Variants in SPAG16 observed in about 807,000 individuals in gnomAD.
The protein encoded by SPAG16 is sperm-associated antigen 16 protein.
SPAG16 carries 86 observed loss-of-function variants against 80.4 expected under a neutral mutation model. That is an observed-to-expected ratio of 1.07 (90% confidence interval 0.90 to 1.28). The LOEUF (loss-of-function observed/expected upper bound fraction) is 1.28, where lower values mean the gene tolerates loss of function less well. Among genes scored for constraint, SPAG16 ranks in the 50% most tolerant of loss-of-function variants. The pLI is 0.00. For missense variants in SPAG16, 870 were observed against 765.3 expected (o/e 1.14, Z -1.61); for synonymous variants, 294 against 265.9 (o/e 1.11, Z -1.03).
At chr2:214,212,300 T>C (rs1433399126) in intron 15 of SPAG16, among the ~76,000 whole-genome samples, 1 of 152,042 alleles carries the variant, frequency 6.6e-6, no homozygotes, top group African/African-American at 2.4e-5. Context: ...CTACAAGTGA[T>C]CCCTTCACTT....
At chr2:214,022,973 A>G (rs1219307759) in intron 13 of SPAG16, among the ~76,000 whole-genome samples, 2 of 151,962 alleles carry the variant, frequency 1.3e-5, no homozygotes, top group Non-Finnish European at 2.9e-5. Flanking sequence ...TGCTACTACA[A>G]TTTGATGACA....
intron 15 of SPAG16, among the ~76,000 whole-genome samples, chr2:214,199,724 A>T (rs965217184): frequency 6.6e-6 from 1 of 152,170 alleles, no homozygotes; most frequent in African/African-American, 2.4e-5. Context: ...GTATCTTCCC[A>T]TCCATGAACA....
At chr2:213,516,924 T>C (rs1350271018) in intron 10 of SPAG16, among the ~76,000 whole-genome samples, 4 of 152,182 alleles carry the variant, frequency 2.6e-5, no homozygotes, top group Admixed American at 2.6e-4. Context: ...TGATCTACCA[T>C]CACCGTTTGC....
intron 11 of SPAG16, among the ~76,000 whole-genome samples, chr2:213,874,324 T>G (rs1478115249): frequency 6.6e-6 from 1 of 152,204 alleles, no homozygotes; most frequent in Non-Finnish European, 1.5e-5. Context: ...TTTAACTTTT[T>G]GATTATTTTG....
At chr2:214,066,152 T>A (rs2050517551) in intron 13 of SPAG16, among the ~76,000 whole-genome samples, 1 of 152,170 alleles carries the variant, frequency 6.6e-6, no homozygotes, top group African/African-American at 2.4e-5. Flanking sequence ...CTGTCACCTT[T>A]TGCTAATTCC....
At chr2:213,557,083 T>C (rs2059448256) in intron 10 of SPAG16, among the ~76,000 whole-genome samples, 1 of 152,092 alleles carries the variant, frequency 6.6e-6, no homozygotes, top group Admixed American at 6.6e-5. Flanking sequence ...ATTAAGCATA[T>C]GTTATTTGTG....
intron 10 of SPAG16, among the ~76,000 whole-genome samples, chr2:213,720,357 G>A (rs1367891561): frequency 1.8e-4 from 28 of 151,906 alleles, no homozygotes; most frequent in African/African-American, 2.4e-5. Context: ...GCCAGGCGCA[G>A]TGGCTAACAC....
intron 13 of SPAG16, among the ~76,000 whole-genome samples, chr2:214,084,608 T>C (rs1415407449): frequency 6.6e-6 from 1 of 152,196 alleles, no homozygotes; most frequent in Non-Finnish European, 1.5e-5. Context: ...GATGATAATA[T>C]ATGGTTGTTG....
chr2:214,355,823 C>T (rs958173632), intron 15 of SPAG16, among the ~76,000 whole-genome samples: 2 of 151,428 alleles, frequency 1.3e-5, no homozygotes, highest in African/African-American at 2.4e-5. Flanking sequence ...CACATATACA[C>T]CATGGAATAC....
intron 10 of SPAG16, among the ~76,000 whole-genome samples, chr2:213,504,135 G>A (rs1005367592): frequency 2.0e-5 from 3 of 152,180 alleles, no homozygotes; most frequent in Non-Finnish European, 2.9e-5. Context: ...TGTGACTCTT[G>A]CTAAGCGGAA....
chr2:213,644,014 C>T (rs2062726106), intron 10 of SPAG16, among the ~76,000 whole-genome samples: 2 of 151,144 alleles, frequency 1.3e-5, no homozygotes, highest in Admixed American at 1.3e-4. Context: ...CTCCTAACCT[C>T]AGGTGATCCA....
Position 214,211,800 on chromosome 2 carries a change from A to G in SPAG16, c.1720+62534A>G, listed in dbSNP as rs563073623. On this transcript the variant is annotated intron_variant, in intron 15 of 15. Transcript: ENST00000331683. ...GCTTGCTCCATCCCAGTTTTCCCTG[A>G]CCAGAAAATGGCACTATTATTCCCC... Among the ~76,000 whole-genome samples the G allele has an allele frequency of 5.3e-5, 8 of 152,270 alleles. No individual in the cohort carries two copies. In the East Asian group the frequency reaches 1.5e-3, roughly 29 times the overall value.
At chr2:214,212,468 A>C (rs1217533442) in intron 15 of SPAG16, among the ~76,000 whole-genome samples, 1 of 152,038 alleles carries the variant, frequency 6.6e-6, no homozygotes, top group African/African-American at 2.4e-5. Context: ...ACTTGGCACT[A>C]CCTGATACAC....
intron 10 of SPAG16, among the ~76,000 whole-genome samples, chr2:213,618,423 A>G (rs1317651436): frequency 1.3e-5 from 2 of 152,166 alleles, no homozygotes; most frequent in Admixed American, 6.5e-5. Context: ...TAGTCTCTTT[A>G]TGCTGCCTCC....
chr2:213,358,246 C>T (rs1225342544), intron 7 of SPAG16, among the ~76,000 whole-genome samples: 1 of 152,118 alleles, frequency 6.6e-6, no homozygotes, highest in Non-Finnish European at 1.5e-5. Context: ...TAGGGTTACT[C>T]TTCTTGGGGA....
intron 9 of SPAG16, among the ~76,000 whole-genome samples, chr2:213,407,596 GGAGAGAGAGAGAGAGAGAGAGAGAGAGA>G (rs66674310): frequency 3.9e-5 from 4 of 102,016 alleles, no homozygotes; most frequent in Non-Finnish European, 1.9e-5. Context: ...GAGAGAGACA[GGAGAGAGAGAGAGAGAGAGAGAGAGAGA>G]GAGAGAGAGA....
At chr2:214,383,625 A>G (rs1222165078) in intron 15 of SPAG16, among the ~76,000 whole-genome samples, 1 of 152,104 alleles carries the variant, frequency 6.6e-6, no homozygotes, top group Non-Finnish European at 1.5e-5. Context: ...GTTGAAAGAA[A>G]TGTATTTAAT....
intron 10 of SPAG16, among the ~76,000 whole-genome samples, chr2:213,786,881 A>G (rs1240057534): frequency 1.3e-5 from 2 of 152,178 alleles, no homozygotes; most frequent in Non-Finnish European, 2.9e-5. Context: ...AGGAATTTGC[A>G]ATTAGTAATA....
chr2:213,573,821 A>C (rs1174877390), intron 10 of SPAG16, among the ~76,000 whole-genome samples: 1 of 152,210 alleles, frequency 6.6e-6, no homozygotes, highest in East Asian at 1.9e-4. Flanking sequence ...TGAATAAATA[A>C]TTTTGGTAAC....
Sources: gnomAD v4.1 joint callset for allele counts (sites outside exome capture counted in the v4.1 genomes callset) on GRCh38, gnomAD v4.1.1 for gene constraint, MANE v1.5 for transcripts, NCBI Gene and HGNC (gene_info 2026-07-23, HGNC 2026-07-21) for gene names.